RAB38: variants seen among roughly 807,000 people sequenced by gnomAD.
RAB38 encodes RAB38, member RAS oncogene family.
Under a neutral mutation model 18.4 loss-of-function variants are expected in RAB38, and 15 were observed. That is an observed-to-expected ratio of 0.82 (90% CI 0.55 to 1.26). RAB38 has a LOEUF of 1.26. Ranked by LOEUF, RAB38 falls within the 50% of genes most tolerant of loss-of-function variation. The pLI, the probability that RAB38 is intolerant of heterozygous loss-of-function variation, is 0.00. For synonymous variants in RAB38, 101 were observed against 104.4 expected (o/e 0.97, Z 0.20); for missense variants, 294 against 267.4 (o/e 1.10, Z -0.69).
the RAB38 span, among the ~76,000 whole-genome samples, chr11:88,042,274 T>C: frequency 1.3e-5 from 2 of 152,136 alleles, no homozygotes; most frequent in African/African-American, 4.8e-5. Context: ...CACCTCTCAT[T>C]TGCTAAATCG....
At chr11:88,093,598 G>A in the RAB38 span, among the ~76,000 whole-genome samples, 1 of 151,728 alleles carries the variant, frequency 6.6e-6, no homozygotes, top group Non-Finnish European at 1.5e-5. Flanking sequence ...ATCCTAACTT[G>A]TTATTCTACC....
chr11:88,144,917 A>G (rs924484936), intron 2 of RAB38, among the ~76,000 whole-genome samples: 11 of 152,268 alleles, frequency 7.2e-5, no homozygotes, highest in Admixed American at 7.2e-4. Flanking sequence ...TTCTGAGCAT[A>G]GCCACACCTG....
At chr11:87,859,941 G>A in the RAB38 span, among the ~76,000 whole-genome samples, 92 of 152,062 alleles carry the variant, frequency 6.1e-4, no homozygotes, top group South Asian at 1.0e-3. Context: ...TGGTGCTTAT[G>A]GGCCAGATGT....
At chr11:87,976,651 T>A in the RAB38 span, among the ~76,000 whole-genome samples, 3 of 108,024 alleles carry the variant, frequency 2.8e-5, no homozygotes, top group Non-Finnish European at 5.2e-5. Flanking sequence ...ATATGATATA[T>A]AAATATATAT....
chr11:88,009,247 T>A, the RAB38 span, among the ~76,000 whole-genome samples: 1 of 152,106 alleles, frequency 6.6e-6, no homozygotes, highest in Non-Finnish European at 1.5e-5. Flanking sequence ...GTTCTATACC[T>A]CACCTCCTAA....
At chr11:88,142,679 C>G (rs1942930784) in intron 2 of RAB38, among the ~76,000 whole-genome samples, 1 of 152,208 alleles carries the variant, frequency 6.6e-6, no homozygotes, top group South Asian at 2.1e-4. Flanking sequence ...TGTTTCTTCT[C>G]TCACATCCAG....
chr11:88,079,725 C>A, the RAB38 span, among the ~76,000 whole-genome samples: 2 of 151,360 alleles, frequency 1.3e-5, no homozygotes, highest in Non-Finnish European at 3.0e-5. Context: ...CCCAGGAATG[C>A]AAAGCTAGTT....
At chr11:88,175,142 C>G (rs772795171) in intron 1 of RAB38, 41 bp downstream of exon 1, 15 of 1,513,268 alleles carry the variant, frequency 9.9e-6, no homozygotes, top group Middle Eastern at 4.3e-4. Context: ...AAACCGGCCG[C>G]GAGGCGCTCT....
At chr11:88,019,263 T>C in the RAB38 span, among the ~76,000 whole-genome samples, 1 of 152,190 alleles carries the variant, frequency 6.6e-6, no homozygotes, top group Non-Finnish European at 1.5e-5. Context: ...GGTACCATAA[T>C]TGACCAAGTT....
chr11:87,940,830 A>C, the RAB38 span, among the ~76,000 whole-genome samples: 6 of 151,904 alleles, frequency 3.9e-5, no homozygotes, highest in East Asian at 1.2e-3. Context: ...GCGAGATTTC[A>C]CCATATTGCC....
the RAB38 span, among the ~76,000 whole-genome samples, chr11:87,863,739 G>A: frequency 1.4e-4 from 22 of 151,778 alleles, no homozygotes; most frequent in African/African-American, 4.6e-4. Flanking sequence ...AAAGACACTC[G>A]TAATAAAGTG....
At chr11:88,063,481 G>A in the RAB38 span, among the ~76,000 whole-genome samples, 1 of 152,128 alleles carries the variant, frequency 6.6e-6, no homozygotes, top group Admixed American at 6.5e-5. Flanking sequence ...GGGACATGGA[G>A]AATAGTGGGC....
chr11:88,174,959 G>C (rs140746015), intron 1 of RAB38, among the ~76,000 whole-genome samples: 113 of 152,386 alleles, frequency 7.4e-4, no homozygotes, highest in African/African-American at 2.6e-3. Context: ...GATCCCAGGG[G>C]ACTGTGCGGG....
chr11:88,173,456 GAGGCAGTTCAA>G, intron 1 of RAB38: 22 of 870,556 alleles, frequency 2.5e-5, no homozygotes, highest in Non-Finnish European at 2.9e-5. Context: ...GATCCAGATG[GAGGCAGTTCAA>G]CTCTGGAATT....
At chr11:88,026,356 G>A in the RAB38 span, among the ~76,000 whole-genome samples, 1 of 151,666 alleles carries the variant, frequency 6.6e-6, no homozygotes, top group African/African-American at 2.4e-5. Context: ...GAGGTCAGGA[G>A]ATCGAGACCA....
downstream of RAB38, among the ~76,000 whole-genome samples, chr11:88,110,845 G>A (rs1398258349): frequency 1.3e-5 from 2 of 151,136 alleles, no homozygotes; most frequent in African/African-American, 2.4e-5. Context: ...GAAAAGAAAA[G>A]AAAGGTGTTT....
the RAB38 span, among the ~76,000 whole-genome samples, chr11:88,093,918 C>T: frequency 1.3e-5 from 2 of 151,872 alleles, no homozygotes; most frequent in Non-Finnish European, 2.9e-5. Flanking sequence ...TACTTATCTT[C>T]GAAAGGGCTC....
At chr11:87,935,657 A>G in the RAB38 span, among the ~76,000 whole-genome samples, 2 of 152,122 alleles carry the variant, frequency 1.3e-5, no homozygotes, top group Non-Finnish European at 2.9e-5. Context: ...CTTATAGTAC[A>G]ATACAATCAA....
chr11:87,812,896 A>G, the RAB38 span, among the ~76,000 whole-genome samples: 8 of 152,222 alleles, frequency 5.3e-5, no homozygotes, highest in Admixed American at 2.6e-4. Flanking sequence ...GATGGGAACT[A>G]TAACACTGAT....
Sources: allele counts gnomAD v4.1 joint callset (sites outside exome capture counted in the v4.1 genomes callset), GRCh38; gene constraint gnomAD v4.1.1; transcripts MANE v1.5; gene names NCBI Gene and HGNC (gene_info 2026-07-23, HGNC 2026-07-21).